Variants in INCA1 observed in about 807,000 individuals in gnomAD.
INCA1 encodes the protein protein INCA1.
In INCA1, 28 loss-of-function variants were observed where a neutral mutation model predicts 25.7. That is an observed-to-expected ratio of 1.09 (90% CI 0.81 to 1.49). INCA1 has a LOEUF of 1.49. Among genes scored for constraint, INCA1 ranks in the 40% most tolerant of loss-of-function variants. The probability of loss-of-function intolerance (pLI) is 0.00; values close to 1 mark genes in which losing one functional copy is unlikely to be tolerated. For synonymous variants in INCA1, 111 were observed against 103.6 expected (o/e 1.07, Z -0.43); for missense variants, 309 against 290.9 (o/e 1.06, Z -0.45).
At chr17:4,996,646 A>G in intron 1 of INCA1, among the ~76,000 whole-genome samples, 1 of 140,506 alleles carries the variant, frequency 7.1e-6, no homozygotes, top group Non-Finnish European at 1.5e-5. Context: ...CAGCCTGGGC[A>G]ACAGAGCAAG....
rs138809777 is a variant in INCA1, at chr17:4,988,554, G to A, written c.562C>T (p.Leu188=). The change falls in exon 7 of 7, where the codon CTG becomes TTG. Residue 188 remains leucine (L), a splice_region_variant and synonymous_variant. Coordinates refer to ENST00000576820, the Ensembl canonical transcript of INCA1. ...AGGGGGCTCCAGGGAGACCAAAGCA[G>A]CTGTCAAGATGAGAGAAATTGAAAA... 7 of 1,609,542 alleles carry A rather than the reference G, an allele frequency of 4.3e-6. No individual in the cohort carries two copies. In the African/African-American group the frequency reaches 8.0e-5, roughly 18 times the overall value.
chr17:4,990,343 T>A, intron 2 of INCA1, 78 bp from the exon 3 acceptor site: 1 of 1,495,850 alleles, frequency 6.7e-7, no homozygotes, highest in Non-Finnish European at 9.0e-7. Flanking sequence ...TCAGGGGCCA[T>A]CTTTCCATGG....
intron 2 of INCA1, 103 bp downstream of exon 2, chr17:4,994,291 G>T: frequency 9.7e-7 from 1 of 1,032,196 alleles, no homozygotes; most frequent in Non-Finnish European, 1.5e-6. Flanking sequence ...ACCAGGCATT[G>T]CATTTCCCGT....
chr17:4,988,165 A>G (rs1973490112), downstream of INCA1: 1 of 431,868 alleles, frequency 2.3e-6, no homozygotes, highest in Admixed American at 4.2e-5. Flanking sequence ...GAGCAGAGAG[A>G]ATACAAGGCC....
upstream of INCA1, chr17:4,997,125 A>AG (rs1194693236): frequency 6.6e-6 from 1 of 152,550 alleles, no homozygotes; most frequent in Non-Finnish European, 1.5e-5. Flanking sequence ...GCTGGGGCTG[A>AG]GGGGCTGCCT....
upstream of INCA1, among the ~76,000 whole-genome samples, chr17:4,997,341 G>A (rs567465773): frequency 6.6e-6 from 1 of 152,268 alleles, no homozygotes; most frequent in Admixed American, 6.5e-5. Flanking sequence ...GGGACGCCCC[G>A]GGTCTGAGAG....
chr17:4,990,898 A>C (rs1266837764), intron 2 of INCA1, among the ~76,000 whole-genome samples: 1 of 150,966 alleles, frequency 6.6e-6, no homozygotes, highest in Non-Finnish European at 1.5e-5. Context: ...AAAAAATTGC[A>C]AAAAATCTCA....
chr17:4,990,124 G>A lies in INCA1; in HGVS notation c.158+28C>T, dbSNP rs373439682. Reference sequence around the variant, plus strand: ...TTTAATCCAGTTAAGACCACATCCAGTTAGTTTCCATTTTCTCCTCTACTC... The same window carrying A: ...TTTAATCCAGTTAAGACCACATCCAATTAGTTTCCATTTTCTCCTCTACTC... On this transcript the variant is annotated intron_variant, in intron 3 of 6. Transcript: ENST00000576820. The A allele has an allele frequency of 3.3e-4, 530 of 1,613,746 alleles. 1 individual carries two copies. The highest frequency in any genetic ancestry group is 4.4e-4 in the Non-Finnish European group (519 of 1,179,922).
intron 3 of INCA1, 68 bp from the exon 4 acceptor site, chr17:4,989,997 A>C: frequency 6.2e-7 from 1 of 1,611,938 alleles, no homozygotes; most frequent in South Asian, 1.1e-5. Context: ...TTCTTTAATA[A>C]TCTCTCCCGA....
intron 1 of INCA1, among the ~76,000 whole-genome samples, chr17:4,995,578 T>C (rs1381397637): frequency 3.9e-5 from 6 of 152,082 alleles, no homozygotes; most frequent in Non-Finnish European, 8.8e-5. Flanking sequence ...GAGAATTGCC[T>C]GAGCTCAGGA....
chr17:4,991,959 C>A (rs1200185453), intron 2 of INCA1, among the ~76,000 whole-genome samples: 4 of 152,052 alleles, frequency 2.6e-5, no homozygotes, highest in Non-Finnish European at 1.5e-5. Flanking sequence ...ATGGTCTCTT[C>A]CCCCCGTCTC....
chr17:4,996,666 C>CAAAAAAAAAAAA (rs35732129), intron 1 of INCA1, among the ~76,000 whole-genome samples: 1 of 51,800 alleles, frequency 1.9e-5, no homozygotes, highest in Non-Finnish European at 3.0e-5. Flanking sequence ...GACTCCGTCT[C>CAAAAAAAAAAAA]AAAAAAAAAA....
chr17:4,993,767 CTTTTTTT>C (rs934109564), intron 2 of INCA1, among the ~76,000 whole-genome samples: 9 of 97,324 alleles, frequency 9.2e-5, no homozygotes, highest in African/African-American at 1.8e-4. Flanking sequence ...CGTGCCTGGC[CTTTTTTT>C]TTTTTTTTTT....
At chr17:4,995,768 A>G (rs1401511950) in intron 1 of INCA1, 1 of 151,788 alleles carries the variant, frequency 6.6e-6, no homozygotes, top group East Asian at 1.9e-4. Flanking sequence ...TGTCTCTACT[A>G]AAAAATACAA....
At chr17:4,991,733 A>G (rs928691090) in intron 2 of INCA1, among the ~76,000 whole-genome samples, 14 of 151,978 alleles carry the variant, frequency 9.2e-5, no homozygotes, top group Admixed American at 2.6e-4. Context: ...CTCCTCCCCA[A>G]CCTTCCTCCT....
exon 7 of INCA1, chr17:4,988,386 C>T (rs749351062): frequency 6.3e-6 from 10 of 1,580,192 alleles, no homozygotes; most frequent in South Asian, 2.3e-5. Context: ...ACTAGCCTCT[C>T]GGCATCGGTG....
intron 1 of INCA1, chr17:4,995,850 G>C (rs565802717): frequency 6.6e-6 from 1 of 152,412 alleles, no homozygotes; most frequent in South Asian, 2.1e-4. Flanking sequence ...AGAATTGCTT[G>C]AACCAGGGAG....
At chr17:4,990,843 A>G (rs1361711868) in intron 2 of INCA1, among the ~76,000 whole-genome samples, 1 of 149,490 alleles carries the variant, frequency 6.7e-6, no homozygotes, top group Non-Finnish European at 1.5e-5. Flanking sequence ...AAATCGCGCC[A>G]TTGCACTCCA....
intron 1 of INCA1, among the ~76,000 whole-genome samples, chr17:4,996,499 C>A (rs1974276732): frequency 6.6e-6 from 1 of 151,142 alleles, no homozygotes; most frequent in Non-Finnish European, 1.5e-5. Flanking sequence ...CTGGCCAACA[C>A]AGCGAAACCC....
Sources: allele counts gnomAD v4.1 joint callset (sites outside exome capture counted in the v4.1 genomes callset), GRCh38; gene constraint gnomAD v4.1.1; transcripts MANE v1.5; gene names NCBI Gene and HGNC (gene_info 2026-07-23, HGNC 2026-07-21).